Variants in RADIL observed in about 807,000 individuals in gnomAD.
RADIL encodes the protein Rap associating with DIL domain.
RADIL carries 99 observed loss-of-function variants against 97.6 expected under a neutral mutation model. That is an observed-to-expected ratio of 1.01 (90% CI 0.86 to 1.20). The LOEUF is 1.20. Ranked by LOEUF, RADIL falls within the 50% of genes most tolerant of loss-of-function variation. The probability of loss-of-function intolerance (pLI) is 0.00; values close to 1 mark genes in which losing one functional copy is unlikely to be tolerated. For synonymous variants in RADIL, 803 were observed against 691.8 expected, an observed-to-expected ratio of 1.16 and a Z score of -2.52; for missense variants, 1,765 against 1,498.9, an observed-to-expected ratio of 1.18 and a Z score of -2.93.
In RADIL at chr7:4,821,724, C is replaced by T. The variant is rs765915248; in HGVS notation, c.1615+670G>A. ...TACAAAAACTAGCCGGGCGAGGTGG[C>T]ATGCTCCTGTAATCCCAGGTACTCG... On this transcript the variant is annotated intron_variant, in intron 6 of 14. Coordinates refer to ENST00000399583, the MANE Select transcript of RADIL (RefSeq NM_018059.5). This position sits in a 1 kb window ranked among gnomAD's most constrained non-coding sequence, Gnocchi z 5.2. Among the ~76,000 whole-genome samples, 1 of 152,066 alleles carries T rather than the reference C, an allele frequency of 6.6e-6. No individual in the cohort carries two copies. The highest frequency in any genetic ancestry group is 1.5e-5 in the Non-Finnish European group (1 of 68,032).
chr7:4,852,795 G>C (rs969678436), intron 2 of RADIL, among the ~76,000 whole-genome samples: 1 of 152,034 alleles, frequency 6.6e-6, no homozygotes, highest in Non-Finnish European at 1.5e-5. Flanking sequence ...CACCTGCCTC[G>C]GCCTCCCAAA....
At position 4,840,831 on chromosome 7, in the gene RADIL, G is replaced by A. The variant is rs1277640072; in HGVS notation, c.536-4226C>T. On this transcript the variant is annotated intron_variant, in intron 2 of 14. Coordinates refer to ENST00000399583, the MANE Select transcript of RADIL (RefSeq NM_018059.5). The surrounding 1 kb of genome is among the most constrained non-coding windows in gnomAD (Gnocchi z 5.6). Reference sequence around the variant, plus strand: ...AAAATACAAAACTTAGCTGGGCGTGGAGGTGGGCGCCTGTAGTCCCGGCTA... The same window carrying A: ...AAAATACAAAACTTAGCTGGGCGTGAAGGTGGGCGCCTGTAGTCCCGGCTA... 3.9e-5 allele frequency among the ~76,000 whole-genome samples: 6 copies of A among 152,164 alleles called. No individual in the cohort carries two copies. Among genetic ancestry groups the A allele is most frequent in the Non-Finnish European group, 7.3e-5 (5 of 68,036 alleles).
intron 12 of RADIL, 106 bp from the exon 13 acceptor site, chr7:4,800,416 G>A (rs974791755): frequency 2.5e-5 from 29 of 1,178,368 alleles, no homozygotes; most frequent in Non-Finnish European, 3.2e-5. Context: ...GGGATGGGAT[G>A]GCCTCCTGTG....
chr7:4,803,761 G>C lies in RADIL; in HGVS notation c.2291-7C>G. 2 of 1,553,432 alleles carry C rather than the reference G, an allele frequency of 1.3e-6. No homozygotes were observed. The highest frequency in any genetic ancestry group is 1.7e-6 in the Non-Finnish European group (2 of 1,147,780). On this transcript the variant is annotated splice_polypyrimidine_tract_variant and splice_region_variant and intron_variant, in intron 10 of 14. Coordinates refer to ENST00000399583, the MANE Select transcript of RADIL (RefSeq NM_018059.5). ...TAGGACTCCAGAACATCCTCTGCAG[G>C]GGAGAGAGGATGCCCGTAATGGCCA...
chr7:4,878,355 G>A lies in RADIL; in HGVS notation c.-64-152C>T, dbSNP rs1236346958. ...GCCCGGGAGTTCCAGACCAGCCTGG[G>A]AAACATAGTAAGGCCCCGGCTCTAC... is the stretch of plus-strand genomic sequence containing the variant. On this transcript the variant is annotated intron_variant, in intron 1 of 14. Coordinates refer to ENST00000399583, the MANE Select transcript of RADIL (RefSeq NM_018059.5). The surrounding 1 kb of genome is among the most constrained non-coding windows in gnomAD (Gnocchi z 4.1). Among the ~76,000 whole-genome samples, 1 of 152,106 alleles carries A rather than the reference G, an allele frequency of 6.6e-6. No homozygotes were observed. The highest frequency in any genetic ancestry group is 1.5e-5 in the Non-Finnish European group (1 of 68,038).
chr7:4,809,016 GC>G lies in RADIL; in HGVS notation c.2140-3301del, dbSNP rs1292147767. ...CCCCGCGTCCCCTTCCGACGCCACT[GC>G]CCCCCCTTGTCCCCTTCCGACGCCA... On this transcript the variant is annotated intron_variant, in intron 9 of 14. Transcript: ENST00000399583. The G allele has an allele frequency of 2.6e-5, 18 of 688,958 alleles. 2 individuals carry two copies. The highest frequency in any genetic ancestry group is 8.3e-4 in the Middle Eastern group (1 of 1,200). The allele number at this position is 688,958 out of a possible 1,614,324, so 42.7% of individuals were successfully genotyped here.
chr7:4,830,071 G>A (rs1276742608), intron 5 of RADIL, among the ~76,000 whole-genome samples: 2 of 152,104 alleles, frequency 1.3e-5, no homozygotes, highest in Admixed American at 6.5e-5. Context: ...CTCTGCCTTC[G>A]TCAGTGTTAT....
chr7:4,869,035 G>A (rs928018735), intron 2 of RADIL, among the ~76,000 whole-genome samples: 3 of 152,240 alleles, frequency 2.0e-5, no homozygotes, highest in Admixed American at 6.5e-5. Flanking sequence ...GCTGAGGCAG[G>A]AGAATGGGCT....
chr7:4,857,630 G>A (rs1476280016), intron 2 of RADIL: 4 of 152,434 alleles, frequency 2.6e-5, no homozygotes, highest in African/African-American at 4.8e-5. Flanking sequence ...TAGTAAGATC[G>A]AAAGGTTCAT....
rs1782716655 is a variant in RADIL at position 4,817,776 on chromosome 7, G to A, written c.1616-425C>T. 6.6e-6 allele frequency among the ~76,000 whole-genome samples: 1 copy of A among 152,212 alleles called. No homozygotes were observed. The highest frequency in any genetic ancestry group is 1.5e-5 in the Non-Finnish European group (1 of 68,042). Reference sequence around the variant, plus strand: ...AGCCCCTGAGTGGCCGCCACTCTGTGGAATCATAAGTCTTTTGGGAAGAAA... The same window carrying A: ...AGCCCCTGAGTGGCCGCCACTCTGTAGAATCATAAGTCTTTTGGGAAGAAA... On this transcript the variant is annotated intron_variant, in intron 6 of 14. Coordinates refer to ENST00000399583, the MANE Select transcript of RADIL (RefSeq NM_018059.5). This position sits in a 1 kb window ranked among gnomAD's most constrained non-coding sequence, Gnocchi z 8.3.
rs1381943230 is a variant in RADIL at position 4,822,523 on chromosome 7, T to C, written c.1486A>G (p.Met496Val). 4 of 1,613,032 alleles carry C rather than the reference T, an allele frequency of 2.5e-6. No homozygotes were observed. The highest frequency in any genetic ancestry group is 2.2e-5 in the East Asian group (1 of 44,878). The change falls in exon 6 of 15, where the codon ATG becomes GTG. Residue 496 changes from methionine (M) to valine (V), a missense_variant. Transcript: ENST00000399583. This position sits in a 1 kb window ranked among gnomAD's most constrained non-coding sequence, Gnocchi z 5.3. ...QEPISLASCA[M>V]ADLVPDLQPI... The stretch of plus-strand genomic sequence containing the variant: ...TGCAAGTCTGGAACCAGATCAGCCA[T>C]GGCGCAGCTGGCCAGCGAGATGGGC...
At chr7:4,826,691 C>G (rs1350579017) in intron 5 of RADIL, among the ~76,000 whole-genome samples, 1 of 150,644 alleles carries the variant, frequency 6.6e-6, no homozygotes, top group Non-Finnish European at 1.5e-5. Flanking sequence ...TGAGATCGAG[C>G]CACTATACTC....
rs1783337884 is a variant in RADIL at position 4,837,696 on chromosome 7, T to C, written c.536-1091A>G. 1 of 414,376 alleles carries C rather than the reference T, an allele frequency of 2.4e-6. No homozygotes were observed. Among genetic ancestry groups the C allele is most frequent in the South Asian group, 1.0e-4 (1 of 9,946 alleles). The allele number at this position is 414,376 out of a possible 1,614,324, so 25.7% of individuals were successfully genotyped here. On this transcript the variant is annotated intron_variant, in intron 2 of 14. Transcript: ENST00000399583. The surrounding 1 kb of genome is among the most constrained non-coding windows in gnomAD (Gnocchi z 5.6). The stretch of plus-strand genomic sequence containing the variant: ...GCACCCACACACATTAACACATACA[T>C]GCACACAAACATGCGCACAGTTCAG...
intron 1 of RADIL, chr7:4,882,338 G>T (rs971994395): frequency 6.6e-6 from 1 of 152,288 alleles, no homozygotes; most frequent in Non-Finnish European, 1.5e-5. Context: ...TGTTTTTCTG[G>T]AAGTGCGACC....
intron 2 of RADIL, chr7:4,838,148 G>A (rs996805440): frequency 7.5e-6 from 6 of 799,398 alleles, no homozygotes; most frequent in Admixed American, 6.2e-5. Context: ...TGCTCCTGCC[G>A]CCTGCAGAAC....
chr7:4,853,375 C>T (rs572064854), intron 2 of RADIL, among the ~76,000 whole-genome samples: 21 of 152,118 alleles, frequency 1.4e-4, no homozygotes, highest in Non-Finnish European at 3.1e-4. Flanking sequence ...AACACATGGG[C>T]CTTTTAAATA....
Position 4,799,788 on chromosome 7 carries a change from C to T in RADIL, c.2983-19G>A. On this transcript the variant is annotated intron_variant, in intron 13 of 14. Coordinates refer to ENST00000399583, the MANE Select transcript of RADIL (RefSeq NM_018059.5). ...GCGTGTGCTGGGGACAAGCAGAGGC[C>T]TCAGAGCTCCGCAGGCCCGACTGGC... 1 of 1,500,252 alleles carries T rather than the reference C, an allele frequency of 6.7e-7. No homozygotes were observed. The highest frequency in any genetic ancestry group is 8.9e-7 in the Non-Finnish European group (1 of 1,128,632). 92.9% of individuals were successfully genotyped at this position (1,500,252 alleles called of 1,614,324 possible). A position where few individuals can be genotyped will look rare whatever the true frequency, so the allele number is the denominator to read the frequency against.
rs750361577 is a variant in RADIL, at chr7:4,816,382, T to C, written c.1812A>G (p.Glu604=). 2.5e-6 allele frequency: 4 copies of C among 1,609,858 alleles called. No homozygotes were observed. The Admixed American group carries it at 5.0e-5, about 20-fold the overall frequency. The change falls in exon 8 of 15, where the codon GAA becomes GAG. Residue 604 remains glutamate, a synonymous_variant. Transcript: ENST00000399583. ...ERRESWSSAP[E]LPEELRRVVS... ...CCACGCGGCGCAGCTCCTCGGGCAG[T>C]TCGGGGGCCGAGGACCAGCTCTCAC...
At chr7:4,807,367 G>T (rs909827596) in intron 9 of RADIL, among the ~76,000 whole-genome samples, 8 of 151,976 alleles carry the variant, frequency 5.3e-5, no homozygotes, top group African/African-American at 1.9e-4. Context: ...GTTTGATTGT[G>T]AGTTCCTAGA....
Sources: gnomAD v4.1 joint callset for allele counts (sites outside exome capture counted in the v4.1 genomes callset) on GRCh38, gnomAD v4.1.1 for gene constraint, Gnocchi (gnomAD v3.1) non-coding constraint, MANE v1.5 for transcripts, NCBI Gene and HGNC (gene_info 2026-07-23, HGNC 2026-07-21) for gene names.